The following SSRP1 variants were observed in gnomAD, a reference collection of about 807,000 sequenced individuals.
The protein encoded by SSRP1 is structure specific recognition protein 1, also known as FACT complex subunit SSRP1.
In SSRP1, 21 loss-of-function variants were observed where a neutral mutation model predicts 84.4. The ratio of observed to expected loss-of-function variants is 0.25; its 90% CI spans 0.18 to 0.36. The LOEUF is 0.36. Ranked by LOEUF, SSRP1 falls within the 10% of genes least tolerant of loss-of-function variation. The pLI is 1.00. For synonymous variants in SSRP1, 319 were observed against 318.3 expected, an observed-to-expected ratio of 1.00 and a Z score of -0.02; for missense variants, 519 against 900.8, an observed-to-expected ratio of 0.58 and a Z score of 5.43.
Position 57,335,178 on chromosome 11 carries a change from A to C in SSRP1, c.-57T>G. The C allele has an allele frequency of 1.2e-6, 2 of 1,601,010 alleles. No individual in the cohort carries two copies. The highest frequency in any genetic ancestry group is 1.3e-5 in the African/African-American group (1 of 74,696). Reference sequence around the variant, plus strand: ...GCCCCAGGCTGCACAAGGGAAACCAAGTAAACTGGGAGCTGGGCCCCAACT... The same window carrying C: ...GCCCCAGGCTGCACAAGGGAAACCACGTAAACTGGGAGCTGGGCCCCAACT... On this transcript the variant is annotated 5_prime_UTR_variant, in exon 2 of 17. Coordinates refer to ENST00000278412, the MANE Select transcript of SSRP1 (RefSeq NM_003146.3). The surrounding 1 kb of genome is among the most constrained non-coding windows in gnomAD (Gnocchi z 4.6).
intron 4 of SSRP1, 58 bp from the exon 5 acceptor site, chr11:57,333,207 T>C: frequency 6.5e-7 from 1 of 1,537,046 alleles, no homozygotes; most frequent in Non-Finnish European, 8.8e-7. Context: ...GCATAAGCAA[T>C]ATTCCCACCA....
chr11:57,328,051 C>A, intron 13 of SSRP1, 169 bp from the exon 14 acceptor site: 1 of 952,050 alleles, frequency 1.1e-6, no homozygotes, highest in Non-Finnish European at 1.5e-6. Flanking sequence ...CTCTGCAATT[C>A]AGTGCCTAGC....
intron 4 of SSRP1, 41 bp downstream of exon 4, chr11:57,333,394 C>A: frequency 6.5e-7 from 1 of 1,537,824 alleles, no homozygotes; most frequent in South Asian, 1.1e-5. Context: ...AACCCTTCAC[C>A]CTATCTTCCT....
intron 12 of SSRP1, chr11:57,329,554 G>A (rs1006841272): frequency 3.1e-5 from 5 of 160,522 alleles, no homozygotes; most frequent in South Asian, 1.7e-4. Flanking sequence ...TAAGGAAATC[G>A]GAAGAAATAG....
In SSRP1 at chr11:57,330,563, A is replaced by G. The variant is rs2134388536; in HGVS notation, c.1297-134T>C. On this transcript the variant is annotated intron_variant, in intron 10 of 16. Coordinates refer to ENST00000278412, the MANE Select transcript of SSRP1 (RefSeq NM_003146.3). The surrounding 1 kb of genome is among the most constrained non-coding windows in gnomAD (Gnocchi z 4.0). ...AGACCTGGGGCTGGATTGTCCACAC[A>G]CAGCCAACGTGCAGGGCCTATGCCC... 1 of 1,460,208 alleles carries G rather than the reference A, an allele frequency of 6.8e-7. No individual in the cohort carries two copies. The highest frequency in any genetic ancestry group is 2.4e-5 in the East Asian group (1 of 41,450). 90.5% of individuals were successfully genotyped at this position (1,460,208 alleles called of 1,614,324 possible). A position where few individuals can be genotyped will look rare whatever the true frequency, so the allele number is the denominator to read the frequency against.
rs1856122613 is a variant in SSRP1 at position 57,332,912 on chromosome 11, G to A, written c.537+47C>T. ...AGGCCCTGCTCCCAGGCCAGCCAAT[G>A]CCTGCTCAGCACCATCTGCTGCCAA... On this transcript the variant is annotated intron_variant, in intron 5 of 16. Transcript: ENST00000278412. The surrounding 1 kb of genome is among the most constrained non-coding windows in gnomAD (Gnocchi z 5.5). The A allele has an allele frequency of 1.3e-6, 2 of 1,597,386 alleles. No individual in the cohort carries two copies. Among genetic ancestry groups the A allele is most frequent in the East Asian group, 4.5e-5 (2 of 44,656 alleles).
intron 12 of SSRP1, chr11:57,329,756 G>A (rs1341967760): frequency 9.8e-6 from 4 of 408,676 alleles, no homozygotes; most frequent in African/African-American, 2.0e-5. Context: ...TGAGGAAATT[G>A]AGATTCAATG....
In SSRP1 at chr11:57,327,769, C is replaced by T. The variant is rs776731049; in HGVS notation, c.1725G>A (p.Thr575=). The change falls in exon 14 of 17, where the codon ACG becomes ACA. Residue 575 remains threonine, a synonymous_variant. Transcript: ENST00000278412. ...IKSDHPGISI[T]DLSKKAGEIW... is the part of the protein sequence containing the mutation. Reference sequence around the variant, plus strand: ...TCTCGCCTGCCTTCTTGGAAAGATCCGTGATGCTGATGCCAGGATGGTCTG... The same window carrying T: ...TCTCGCCTGCCTTCTTGGAAAGATCTGTGATGCTGATGCCAGGATGGTCTG... The T allele has an allele frequency of 1.1e-5, 17 of 1,613,974 alleles. No homozygotes were observed. In the Admixed American group the frequency reaches 1.2e-4, roughly 11 times the overall value.
Position 57,330,136 on chromosome 11 carries a change from C to T in SSRP1, c.1438G>A (p.Glu480Lys). 6.2e-7 allele frequency: 1 copy of T among 1,614,178 alleles called. No homozygotes were observed. The highest frequency in any genetic ancestry group is 8.5e-7 in the Non-Finnish European group (1 of 1,180,032). The change falls in exon 12 of 17, where the codon GAG becomes AAG. Residue 480 changes from glutamate (E) to lysine (K), a missense_variant and splice_region_variant. Transcript: ENST00000278412. The surrounding 1 kb of genome is among the most constrained non-coding windows in gnomAD (Gnocchi z 4.0). The stretch of plus-strand genomic sequence containing the variant: ...TCCTCTTCACCTGGGTTGAATGACT[C>T]ATCTGAAAAAGGGCACAGGATGCAT... ...SSDDSGEETD[E>K]SFNPGEEEED... is the part of the protein sequence containing the mutation.
In SSRP1 at chr11:57,333,091, A is replaced by G. The variant is rs1398606486; in HGVS notation, c.405T>C (p.Asn135=). ...DQPVFEIPLS[N]VSQCTTGKNE... ...TCTTGCCTGTGGTGCACTGGGACAC[A>G]TTGCTGAGGGGTATCTCAAAGACTG... is the stretch of plus-strand genomic sequence containing the variant. Residue 135 remains asparagine (N), a synonymous_variant, in exon 5 of 17, where the codon AAT becomes AAC. Transcript: ENST00000278412. The G allele has an allele frequency of 3.1e-6, 5 of 1,614,026 alleles. No homozygotes were observed. The highest frequency in any genetic ancestry group is 4.2e-6 in the Non-Finnish European group (5 of 1,180,022).
chr11:57,332,439 G>A lies in SSRP1; in HGVS notation c.816C>T (p.Phe272=), dbSNP rs776451504. ...PIKQGQTRYH[F]LILLFSKDED... ...CGTCCTTGGAGAAGAGGAGGATCAGGAAGTGGTAGCGAGTTTGGCCTTGCT... is the reference window on the plus strand; with the variant it reads ...CGTCCTTGGAGAAGAGGAGGATCAGAAAGTGGTAGCGAGTTTGGCCTTGCT... The change falls in exon 7 of 17, where the codon TTC becomes TTT. Residue 272 remains phenylalanine (F), a synonymous_variant. Coordinates refer to ENST00000278412, the MANE Select transcript of SSRP1 (RefSeq NM_003146.3). This position sits in a 1 kb window ranked among gnomAD's most constrained non-coding sequence, Gnocchi z 5.5. 23 of 1,614,146 alleles carry A rather than the reference G, an allele frequency of 1.4e-5. 1 individual carries two copies. In the South Asian group the frequency reaches 2.4e-4, roughly 17 times the overall value.
At position 57,330,962 on chromosome 11, in the gene SSRP1, T is replaced by G; in HGVS notation, c.1224-35A>C. The G allele has an allele frequency of 6.2e-7, 1 of 1,608,066 alleles. No individual in the cohort carries two copies. Among genetic ancestry groups the G allele is most frequent in the Non-Finnish European group, 8.5e-7 (1 of 1,174,688 alleles). On this transcript the variant is annotated intron_variant, in intron 9 of 16. Transcript: ENST00000278412. The surrounding 1 kb of genome is among the most constrained non-coding windows in gnomAD (Gnocchi z 4.0). ...GACATGCACCATGTTACCAGAGAGG[T>G]AGTGCCAACACAGGGGCACACTAAA...
rs533213494 is a variant in SSRP1, at chr11:57,334,797, T to A, written c.55-149A>T. ...GCTGAGGGTGCCAAGGAGTCTAGAT[T>A]CTAAACCAGACTCTGGTATCTAGAA... On this transcript the variant is annotated intron_variant, in intron 2 of 16. Coordinates refer to ENST00000278412, the MANE Select transcript of SSRP1 (RefSeq NM_003146.3). The A allele has an allele frequency of 1.1e-4, 113 of 993,530 alleles. 1 individual carries two copies. The highest frequency in any genetic ancestry group is 1.5e-4 in the Non-Finnish European group (101 of 673,964). The allele number at this position is 993,530 out of a possible 1,614,324, so 61.5% of individuals were successfully genotyped here. A position where few individuals can be genotyped will look rare whatever the true frequency, so the allele number is the denominator to read the frequency against.
intron 12 of SSRP1, 168 bp from the exon 13 acceptor site, chr11:57,328,594 G>A (rs550075755): frequency 2.1e-6 from 2 of 974,986 alleles, no homozygotes; most frequent in Non-Finnish European, 2.9e-6. Flanking sequence ...CCCATTCACT[G>A]TGGTGGCTTC....
intron 12 of SSRP1, chr11:57,329,047 T>C (rs1408280559): frequency 6.6e-6 from 1 of 152,478 alleles, no homozygotes; most frequent in Non-Finnish European, 1.5e-5. Flanking sequence ...TGCCTACCCC[T>C]GTAATTGACA....
At chr11:57,334,674 A>C (rs1435175101) in intron 2 of SSRP1, 26 bp from the exon 3 acceptor site, 2 of 1,612,516 alleles carry the variant, frequency 1.2e-6, no homozygotes, top group Non-Finnish European at 1.7e-6. Context: ...GCCCAGATGC[A>C]TGGAGACAGT....
chr11:57,327,119 AT>A, intron 15 of SSRP1: 2 of 758,630 alleles, frequency 2.6e-6, no homozygotes, highest in Non-Finnish European at 4.1e-6. Context: ...CCTACTTGAT[AT>A]TTCTTGCTTT....
intron 12 of SSRP1, 113 bp from the exon 13 acceptor site, chr11:57,328,539 A>C (rs944842517): frequency 4.2e-6 from 6 of 1,440,522 alleles, no homozygotes; most frequent in Non-Finnish European, 5.6e-6. Flanking sequence ...CAAGGGAGGA[A>C]GACCAGAGGA....
chr11:57,332,587 A>G lies in SSRP1; in HGVS notation c.768+38T>C, dbSNP rs375264787. 1.2e-6 allele frequency: 2 copies of G among 1,605,906 alleles called. No individual in the cohort carries two copies. The highest frequency in any genetic ancestry group is 1.7e-6 in the Non-Finnish European group (2 of 1,173,878). On this transcript the variant is annotated intron_variant, in intron 6 of 16. Coordinates refer to ENST00000278412, the MANE Select transcript of SSRP1 (RefSeq NM_003146.3). The surrounding 1 kb of genome is among the most constrained non-coding windows in gnomAD (Gnocchi z 5.5). Reference sequence around the variant, plus strand: ...GATCCATCTACTTAACACTTAGGCAAAAACCAGGATTATCCGGCCATAGGG... The same window carrying G: ...GATCCATCTACTTAACACTTAGGCAGAAACCAGGATTATCCGGCCATAGGG...
Sources: gnomAD v4.1 joint callset for allele counts on GRCh38, gnomAD v4.1.1 for gene constraint, Gnocchi (gnomAD v3.1) non-coding constraint, MANE v1.5 for transcripts, NCBI Gene and HGNC (gene_info 2026-07-23, HGNC 2026-07-21) for gene names.